Variants in RAB3GAP2 observed in about 807,000 individuals in gnomAD.
The protein encoded by RAB3GAP2 is RAB3 GTPase activating non-catalytic protein subunit 2.
RAB3GAP2 carries 87 observed loss-of-function variants against 185.3 expected under a neutral mutation model. That is an observed-to-expected ratio of 0.47 (90% confidence interval 0.39 to 0.56). The LOEUF is 0.56. Ranked by LOEUF, RAB3GAP2 falls within the 20% of genes least tolerant of loss-of-function variation. RAB3GAP2 has a pLI of 0.00. For synonymous variants in RAB3GAP2, 554 were observed against 576.1 expected, an observed-to-expected ratio of 0.96 and a Z score of 0.55; for missense variants, 1,492 against 1,638.2, an observed-to-expected ratio of 0.91 and a Z score of 1.54.
chr1:220,178,683 T>C (rs753127324), intron 21 of RAB3GAP2, among the ~76,000 whole-genome samples: 2 of 151,750 alleles, frequency 1.3e-5, no homozygotes, highest in Non-Finnish European at 2.9e-5. Flanking sequence ...AATTGAAACA[T>C]ACTACAAGAG....
chr1:220,157,741 T>C (rs1479020614), intron 30 of RAB3GAP2, 61 bp downstream of exon 30: 1 of 1,389,472 alleles, frequency 7.2e-7, no homozygotes, highest in Non-Finnish European at 1.0e-6. Flanking sequence ...TTAAATGCAA[T>C]GGTTTGCAGA....
rs755092709 is a variant in RAB3GAP2, at chr1:220,168,080, TATA to T, written c.2807-408_2807-406del. ...CATTTGTCTAGGCTCCTAAGGCCAA[TATA>T]ATATTACTTTTTTGTTTGTTTGTTT... is the stretch of plus-strand genomic sequence containing the variant. On this transcript the variant is annotated intron_variant, in intron 24 of 34. Transcript: ENST00000358951. Among the ~76,000 whole-genome samples the T allele has an allele frequency of 4.7e-4, 72 of 152,230 alleles. 1 individual carries two copies. The highest frequency in any genetic ancestry group is 9.0e-4 in the Non-Finnish European group (61 of 67,994).
intron 2 of RAB3GAP2, among the ~76,000 whole-genome samples, chr1:220,230,453 T>C (rs2102890531): frequency 6.6e-6 from 1 of 152,338 alleles, no homozygotes; most frequent in African/African-American, 2.4e-5. Context: ...GGTGCTGCAG[T>C]AACCAAATTC....
chr1:220,212,524 T>A lies in RAB3GAP2; in HGVS notation c.386+363A>T, dbSNP rs560028121. Among the ~76,000 whole-genome samples, 4 of 152,090 alleles carry A rather than the reference T, an allele frequency of 2.6e-5. 1 individual carries two copies. The South Asian group carries it at 8.3e-4, about 32-fold the overall frequency. ...ATTTTTTTTTTTAAGAGACAGGGTG[T>A]CACTCTGTTGCACTGGCTGGAATGC... On this transcript the variant is annotated intron_variant, in intron 4 of 34. Coordinates refer to ENST00000358951, the MANE Select transcript of RAB3GAP2 (RefSeq NM_012414.4).
chr1:220,171,738 C>G, intron 23 of RAB3GAP2, 151 bp downstream of exon 23: 5 of 813,976 alleles, frequency 6.1e-6, no homozygotes, highest in Non-Finnish European at 1.0e-5. Flanking sequence ...ATTCAAGTAT[C>G]CACGGCATCA....
chr1:220,172,892 G>GAT (rs1658206095), intron 21 of RAB3GAP2, 150 bp from the exon 22 acceptor site: 1 of 654,578 alleles, frequency 1.5e-6, no homozygotes, highest in African/African-American at 1.8e-5. Context: ...CATGTAATCT[G>GAT]AGAGGGAATA....
At chr1:220,213,152 C>T (rs140612874) in intron 3 of RAB3GAP2, among the ~76,000 whole-genome samples, 184 bp from the exon 4 acceptor site, 21 of 152,250 alleles carry the variant, frequency 1.4e-4, no homozygotes, top group Admixed American at 1.2e-3. Flanking sequence ...TTATAATACA[C>T]CTAGTCTCCT....
chr1:220,252,137 C>T (rs1431404251), intron 1 of RAB3GAP2, among the ~76,000 whole-genome samples: 5 of 138,622 alleles, frequency 3.6e-5, no homozygotes, highest in South Asian at 2.3e-4. Flanking sequence ...AGGCTGAGAC[C>T]CTCTCTCAAA....
chr1:220,258,702 C>T (rs1660081568), intron 1 of RAB3GAP2, among the ~76,000 whole-genome samples: 1 of 152,192 alleles, frequency 6.6e-6, no homozygotes, highest in African/African-American at 2.4e-5. Context: ...TCTCTCACCA[C>T]TCTTATTCAA....
At chr1:220,175,174 T>C (rs1038610314) in intron 21 of RAB3GAP2, among the ~76,000 whole-genome samples, 12 of 152,194 alleles carry the variant, frequency 7.9e-5, no homozygotes, top group African/African-American at 2.2e-4. Flanking sequence ...AAATTTTACA[T>C]ACAAAATGTC....
intron 1 of RAB3GAP2, among the ~76,000 whole-genome samples, chr1:220,258,659 T>A (rs1159685479): frequency 6.6e-6 from 1 of 152,092 alleles, no homozygotes; most frequent in Non-Finnish European, 1.5e-5. Context: ...TGGAAGCATT[T>A]CCCTTGAAAA....
At chr1:220,163,119 A>T (rs1657993935) in intron 27 of RAB3GAP2, among the ~76,000 whole-genome samples, 2 of 152,146 alleles carry the variant, frequency 1.3e-5, no homozygotes, top group African/African-American at 2.4e-5. Flanking sequence ...CTGGGGTAAC[A>T]AAGCAAGACC....
chr1:220,245,793 G>C (rs1205087179), intron 1 of RAB3GAP2, among the ~76,000 whole-genome samples: 3 of 152,160 alleles, frequency 2.0e-5, no homozygotes, highest in African/African-American at 7.2e-5. Context: ...AGAGAGCAGT[G>C]GTTCTCCCAG....
chr1:220,239,298 C>T (rs1239603996), intron 1 of RAB3GAP2, among the ~76,000 whole-genome samples: 1 of 152,114 alleles, frequency 6.6e-6, no homozygotes, highest in East Asian at 1.9e-4. Context: ...TGATGTGATC[C>T]TGGCCCACTG....
In RAB3GAP2 at chr1:220,193,616, C is replaced by A. The variant is rs181201054; in HGVS notation, c.1131-237G>T. On this transcript the variant is annotated intron_variant, in intron 12 of 34. Transcript: ENST00000358951. Reference sequence around the variant, plus strand: ...TTCAATAGATACCCACAACCCTATACCTTTAGAGAATATAAAGTATAACTA... The same window carrying A: ...TTCAATAGATACCCACAACCCTATAACTTTAGAGAATATAAAGTATAACTA... Among the ~76,000 whole-genome samples, 7 of 152,278 alleles carry A rather than the reference C, an allele frequency of 4.6e-5. No individual in the cohort carries two copies. In the East Asian group the frequency reaches 1.2e-3, roughly 25 times the overall value.
chr1:220,253,467 G>A, intron 1 of RAB3GAP2: 5 of 1,497,746 alleles, frequency 3.3e-6, no homozygotes, highest in Middle Eastern at 2.4e-4. Flanking sequence ...TGTAGAGCTG[G>A]CAGTGCCTGA....
intron 28 of RAB3GAP2, among the ~76,000 whole-genome samples, chr1:220,161,421 TA>T (rs781493021): frequency 7.7e-4 from 118 of 152,300 alleles, no homozygotes; most frequent in South Asian, 5.2e-3. Flanking sequence ...GAGTGGCCTG[TA>T]AAACACACTA....
chr1:220,267,819 C>T, intron 1 of RAB3GAP2: 3 of 1,329,796 alleles, frequency 2.3e-6, no homozygotes, highest in South Asian at 1.2e-5. Context: ...TGGATTCTGA[C>T]AAGGAAATTG....
intron 7 of RAB3GAP2, 139 bp downstream of exon 7, chr1:220,210,249 A>G (rs1659053707): frequency 1.3e-6 from 1 of 756,374 alleles, no homozygotes; most frequent in South Asian, 1.4e-5. Context: ...AATAGATTAT[A>G]TTTCTAGACT....
Sources: allele counts gnomAD v4.1 joint callset (sites outside exome capture counted in the v4.1 genomes callset), GRCh38; gene constraint gnomAD v4.1.1; transcripts MANE v1.5; gene names NCBI Gene and HGNC (gene_info 2026-07-23, HGNC 2026-07-21).